IGSF21: variants seen among roughly 807,000 people sequenced by gnomAD.
The protein encoded by IGSF21 is immunoglobulin superfamily member 21.
Under a neutral mutation model 46.8 loss-of-function variants are expected in IGSF21, and 28 were observed. The observed-to-expected ratio is 0.60, with a 90% CI of 0.44 to 0.82. The LOEUF (loss-of-function observed/expected upper bound fraction) is 0.82, where lower values mean the gene tolerates loss of function less well. IGSF21 is among the 40% of genes least tolerant of loss of function. The pLI, the probability that IGSF21 is intolerant of heterozygous loss-of-function variation, is 0.00. For synonymous variants in IGSF21, 284 were observed against 273.6 expected, an observed-to-expected ratio of 1.04 and a Z score of -0.38; for missense variants, 624 against 665.5, an observed-to-expected ratio of 0.94 and a Z score of 0.69.
intron 3 of IGSF21, among the ~76,000 whole-genome samples, chr1:18,330,260 C>A (rs1250293814): frequency 6.6e-6 from 1 of 152,132 alleles, no homozygotes. Context: ...TGGTCAAAAT[C>A]AAAGCTGTGA....
intron 1 of IGSF21, among the ~76,000 whole-genome samples, chr1:18,196,572 C>T (rs768136027): frequency 2.0e-5 from 3 of 152,294 alleles, no homozygotes; most frequent in African/African-American, 4.8e-5. Flanking sequence ...AAAAATTATC[C>T]GTGTCAAGGC....
intron 1 of IGSF21, among the ~76,000 whole-genome samples, chr1:18,128,788 CTGTGTGTG>C (rs10534606): frequency 6.7e-6 from 1 of 149,656 alleles, no homozygotes; most frequent in East Asian, 2.0e-4. Flanking sequence ...TGCTCATTCG[CTGTGTGTG>C]TGTGTGTGTG....
chr1:18,120,927 T>G (rs2124407229), intron 1 of IGSF21, among the ~76,000 whole-genome samples: 1 of 152,334 alleles, frequency 6.6e-6, no homozygotes, highest in Admixed American at 6.5e-5. Context: ...TCCATCTCAC[T>G]GATTGATTAC....
intron 4 of IGSF21, among the ~76,000 whole-genome samples, chr1:18,347,097 A>G (rs2085901964): frequency 6.6e-6 from 1 of 152,174 alleles, no homozygotes; most frequent in East Asian, 1.9e-4. Flanking sequence ...AAGAACGGTC[A>G]CTTCCCAGCA....
At chr1:18,192,392 G>A (rs1301192407) in intron 1 of IGSF21, among the ~76,000 whole-genome samples, 1 of 152,242 alleles carries the variant, frequency 6.6e-6, no homozygotes, top group East Asian at 1.9e-4. Flanking sequence ...TGCAAGATGG[G>A]AATAAGACCT....
chr1:18,133,464 T>C (rs2124418653), intron 1 of IGSF21, among the ~76,000 whole-genome samples: 1 of 152,362 alleles, frequency 6.6e-6, no homozygotes, highest in East Asian at 1.9e-4. Flanking sequence ...CTTCTCCATC[T>C]GACAAATGCG....
At chr1:18,259,024 C>G (rs2124534547) in intron 2 of IGSF21, among the ~76,000 whole-genome samples, 1 of 152,308 alleles carries the variant, frequency 6.6e-6, no homozygotes, top group Admixed American at 6.5e-5. Context: ...CTTTTGAAAG[C>G]AGGCAAAACA....
intron 3 of IGSF21, among the ~76,000 whole-genome samples, chr1:18,306,628 A>G (rs1387565955): frequency 6.6e-6 from 1 of 152,118 alleles, no homozygotes; most frequent in East Asian, 1.9e-4. Context: ...GCCAATGTAG[A>G]TTTCATATAC....
rs749032031 is a variant in IGSF21 at position 18,362,200 on chromosome 1, C to T, written c.510C>T (p.Cys170=). ...AAGCCCAGAACTTCACGCTGGTCTG[C>T]ATCGTGTCTGGAGGAAAACCAGCAC... ...RYQAQNFTLV[C]IVSGGKPAPM... Residue 170 remains cysteine (C), a synonymous_variant, in exon 5 of 10, where the codon TGC becomes TGT. Coordinates refer to ENST00000251296, the MANE Select transcript of IGSF21 (RefSeq NM_032880.5). 6.8e-6 allele frequency: 11 copies of T among 1,613,012 alleles called. No individual in the cohort carries two copies. The South Asian group carries it at 1.2e-4, about 18-fold the overall frequency.
At chr1:18,264,571 G>A (rs2084974380) in intron 2 of IGSF21, among the ~76,000 whole-genome samples, 1 of 152,132 alleles carries the variant, frequency 6.6e-6, no homozygotes, top group Non-Finnish European at 1.5e-5. Flanking sequence ...ATTACAGGAG[G>A]GCATGAGGAC....
chr1:18,291,134 C>G (rs1358249930), intron 2 of IGSF21, among the ~76,000 whole-genome samples: 1 of 152,222 alleles, frequency 6.6e-6, no homozygotes, highest in East Asian at 1.9e-4. Context: ...CAGCTGAGGG[C>G]ACGGACGCTT....
intron 2 of IGSF21, among the ~76,000 whole-genome samples, chr1:18,281,068 C>A (rs1450851745): frequency 1.0e-5 from 1 of 99,342 alleles, no homozygotes; most frequent in Admixed American, 1.0e-4. Context: ...CCTGATGACC[C>A]CTCTGTCCAC....
At chr1:18,312,317 T>C (rs939823099) in intron 3 of IGSF21, among the ~76,000 whole-genome samples, 6 of 152,220 alleles carry the variant, frequency 3.9e-5, no homozygotes, top group African/African-American at 1.4e-4. Context: ...TTCACTGAGA[T>C]AGGTCGTGCT....
intron 3 of IGSF21, among the ~76,000 whole-genome samples, chr1:18,302,177 G>A (rs1475430520): frequency 8.1e-5 from 11 of 135,276 alleles, no homozygotes; most frequent in African/African-American, 2.8e-4. Context: ...GGTGCTCCAG[G>A]CCCAAGCTCC....
At chr1:18,183,922 T>C (rs1039029301) in intron 1 of IGSF21, among the ~76,000 whole-genome samples, 2 of 152,054 alleles carry the variant, frequency 1.3e-5, no homozygotes, top group Non-Finnish European at 2.9e-5. Context: ...GCAAGTAACA[T>C]GACAAAACCC....
intron 1 of IGSF21, among the ~76,000 whole-genome samples, chr1:18,176,463 G>T (rs1331111614): frequency 6.6e-6 from 1 of 152,176 alleles, no homozygotes; most frequent in East Asian, 1.9e-4. Context: ...AACCTTAGGG[G>T]TCCCATCTGC....
intron 1 of IGSF21, among the ~76,000 whole-genome samples, chr1:18,122,925 C>T (rs1324611067): frequency 6.6e-6 from 1 of 151,154 alleles, no homozygotes; most frequent in African/African-American, 2.4e-5. Flanking sequence ...CCGCACCCAG[C>T]CAGATTTTTT....
rs989447007 is a variant in IGSF21 at position 18,139,649 on chromosome 1, G to A, written c.70+31451G>A. Reference sequence around the variant, plus strand: ...TGGGTTTGAAGGCCAGCCCCACAACGTGTTGGGTGTGTGACCTAGGCCTCA... The same window carrying A: ...TGGGTTTGAAGGCCAGCCCCACAACATGTTGGGTGTGTGACCTAGGCCTCA... On this transcript the variant is annotated intron_variant, in intron 1 of 9. Transcript: ENST00000251296. 8.5e-5 allele frequency among the ~76,000 whole-genome samples: 13 copies of A among 152,252 alleles called. No homozygotes were observed. In the South Asian group the frequency reaches 1.4e-3, roughly 17 times the overall value.
chr1:18,225,062 A>ATCTC (rs111721151), intron 1 of IGSF21, among the ~76,000 whole-genome samples: 716 of 63,752 alleles, frequency 0.011, 33 homozygotes, highest in African/African-American at 0.04. Flanking sequence ...GAGACTCTGT[A>ATCTC]TCTCTCTCTC....
Sources: gnomAD v4.1 joint callset for allele counts (sites outside exome capture counted in the v4.1 genomes callset) on GRCh38, gnomAD v4.1.1 for gene constraint, MANE v1.5 for transcripts, NCBI Gene and HGNC (gene_info 2026-07-23, HGNC 2026-07-21) for gene names.